CDH4: variants seen among roughly 807,000 people sequenced by gnomAD.
CDH4 encodes the protein cadherin-4.
In CDH4, 33 loss-of-function variants were observed where a neutral mutation model predicts 86.0. The ratio of observed to expected loss-of-function variants is 0.38; its 90% CI spans 0.29 to 0.51. CDH4 has a LOEUF of 0.51. Among genes scored for constraint, CDH4 ranks in the 20% least tolerant of loss-of-function variants. CDH4 has a pLI of 0.86. For synonymous variants in CDH4, 555 were observed against 549.4 expected (o/e 1.01, Z -0.14); for missense variants, 1,114 against 1,307.4 (o/e 0.85, Z 2.28).
At chr20:61,385,529 AT>A (rs1385774750) in intron 2 of CDH4, among the ~76,000 whole-genome samples, 1 of 152,080 alleles carries the variant, frequency 6.6e-6, no homozygotes, top group Non-Finnish European at 1.5e-5. Flanking sequence ...CTTAGCCTTA[AT>A]GCAGCATGTC....
chr20:61,679,966 A>G (rs1020598088), intron 2 of CDH4, among the ~76,000 whole-genome samples: 2 of 151,976 alleles, frequency 1.3e-5, no homozygotes, highest in Non-Finnish European at 1.5e-5. Flanking sequence ...AGAGTCCCCA[A>G]GAGGAGACCC....
chr20:61,893,461 C>T lies in CDH4; in HGVS notation c.1051-1449C>T, dbSNP rs537686773. On this transcript the variant is annotated intron_variant, in intron 7 of 15. Coordinates refer to ENST00000614565, the MANE Select transcript of CDH4 (RefSeq NM_001794.5). ...ATGGGTGGGTGAATAGAGGGATAGA[C>T]GGATTGGCGGATGAGTAGAGGGATG... is the stretch of plus-strand genomic sequence containing the variant. Among the ~76,000 whole-genome samples, 28 of 56,206 alleles carry T rather than the reference C, an allele frequency of 5.0e-4. No individual in the cohort carries two copies. In the South Asian group the frequency reaches 5.6e-3, roughly 11 times the overall value. The allele number at this position is 56,206 out of a possible 152,430, so 36.9% of individuals were successfully genotyped here. A position where few individuals can be genotyped will look rare whatever the true frequency, so the allele number is the denominator to read the frequency against.
intron 2 of CDH4, among the ~76,000 whole-genome samples, chr20:61,679,381 G>GT (rs2087482524): frequency 6.6e-6 from 1 of 152,166 alleles, no homozygotes; most frequent in Non-Finnish European, 1.5e-5. Context: ...AGGCCTGGAG[G>GT]TGAGGGGTGG....
At chr20:61,538,622 C>G (rs1027649240) in intron 2 of CDH4, among the ~76,000 whole-genome samples, 2 of 152,180 alleles carry the variant, frequency 1.3e-5, no homozygotes, top group African/African-American at 4.8e-5. Flanking sequence ...GTACCTCCTG[C>G]CCCTCGTGCG....
intron 2 of CDH4, among the ~76,000 whole-genome samples, chr20:61,311,774 A>T (rs1182532803): frequency 6.6e-6 from 1 of 152,270 alleles, no homozygotes; most frequent in Non-Finnish European, 1.5e-5. Flanking sequence ...TTGCGGTTTT[A>T]CTCAGTGATT....
At chr20:61,898,117 G>A (rs1568874365) in intron 8 of CDH4, among the ~76,000 whole-genome samples, 1 of 152,198 alleles carries the variant, frequency 6.6e-6, no homozygotes, top group East Asian at 1.9e-4. Context: ...AGAGATGGGT[G>A]ACAGGCAGGA....
chr20:61,853,078 G>C (rs8115486), intron 6 of CDH4, among the ~76,000 whole-genome samples, 180 bp downstream of exon 6: 16 of 152,200 alleles, frequency 1.1e-4, no homozygotes, highest in Non-Finnish European at 1.9e-4. Context: ...AGGCCTTGGG[G>C]TCAAGGGGGT....
intron 2 of CDH4, among the ~76,000 whole-genome samples, chr20:61,696,501 G>A (rs1420367746): frequency 6.6e-6 from 1 of 152,200 alleles, no homozygotes; most frequent in Non-Finnish European, 1.5e-5. Flanking sequence ...TGTACTGAGC[G>A]CCAGCTGTGT....
intron 2 of CDH4, among the ~76,000 whole-genome samples, chr20:61,557,348 A>G (rs560085292): frequency 6.6e-6 from 1 of 152,350 alleles, no homozygotes; most frequent in South Asian, 2.1e-4. Flanking sequence ...ACCCAGCGGC[A>G]GGTCCCCTGC....
At chr20:61,273,143 C>T (rs1433345961) in intron 2 of CDH4, among the ~76,000 whole-genome samples, 7 of 90,136 alleles carry the variant, frequency 7.8e-5, no homozygotes, top group African/African-American at 2.4e-4. Flanking sequence ...TGGGGAGTAC[C>T]GTGTGCAGTT....
chr20:61,817,901 C>T (rs575876837), intron 4 of CDH4, among the ~76,000 whole-genome samples: 12 of 152,354 alleles, frequency 7.9e-5, no homozygotes, highest in Admixed American at 7.2e-4. Flanking sequence ...GCAGGACACA[C>T]GCTGAGCTCA....
At chr20:61,507,890 C>A (rs1293086255) in intron 2 of CDH4, among the ~76,000 whole-genome samples, 2 of 152,202 alleles carry the variant, frequency 1.3e-5, no homozygotes, top group Admixed American at 1.3e-4. Flanking sequence ...ATCTTTGCAA[C>A]TTTTCTGTAA....
intron 2 of CDH4, among the ~76,000 whole-genome samples, chr20:61,597,454 C>T (rs1321733791): frequency 1.3e-5 from 2 of 152,246 alleles, no homozygotes; most frequent in Non-Finnish European, 2.9e-5. Context: ...AGCCTGGCTG[C>T]ACCTTCCACC....
intron 2 of CDH4, among the ~76,000 whole-genome samples, chr20:61,652,985 G>A (rs2087141304): frequency 1.8e-5 from 2 of 111,246 alleles, no homozygotes; most frequent in African/African-American, 6.2e-5. Flanking sequence ...TTCTCGCAGA[G>A]GGGGATTTGG....
At chr20:61,540,575 A>C (rs1461728815) in intron 2 of CDH4, among the ~76,000 whole-genome samples, 1 of 152,206 alleles carries the variant, frequency 6.6e-6, no homozygotes, top group African/African-American at 2.4e-5. Flanking sequence ...TGCCATACGA[A>C]ATGCCGGCAG....
intron 2 of CDH4, among the ~76,000 whole-genome samples, chr20:61,542,645 C>G (rs1485615645): frequency 1.3e-5 from 2 of 152,090 alleles, no homozygotes; most frequent in Non-Finnish European, 2.9e-5. Flanking sequence ...CCCTAACAGC[C>G]AAGTAAACTT....
chr20:61,314,750 G>T (rs957685823), intron 2 of CDH4, among the ~76,000 whole-genome samples: 1 of 152,162 alleles, frequency 6.6e-6, no homozygotes, highest in East Asian at 1.9e-4. Context: ...AGCGGAGGAG[G>T]AGGAGGAGGC....
intron 2 of CDH4, among the ~76,000 whole-genome samples, chr20:61,673,502 G>A (rs968213931): frequency 2.6e-5 from 4 of 152,222 alleles, no homozygotes; most frequent in Non-Finnish European, 4.4e-5. Flanking sequence ...GGAGCCTGGC[G>A]GTTTTCACCT....
chr20:61,324,294 A>G (rs1393825569), intron 2 of CDH4, among the ~76,000 whole-genome samples: 1 of 152,182 alleles, frequency 6.6e-6, no homozygotes, highest in Admixed American at 6.5e-5. Flanking sequence ...AACTGATTGC[A>G]TTAGTGTCCT....
Sources: gnomAD v4.1 joint callset for allele counts (sites outside exome capture counted in the v4.1 genomes callset) on GRCh38, gnomAD v4.1.1 for gene constraint, MANE v1.5 for transcripts, NCBI Gene and HGNC (gene_info 2026-07-23, HGNC 2026-07-21) for gene names.